The following TRPC6 variants were observed in gnomAD, a reference collection of about 807,000 sequenced individuals.
TRPC6 encodes transient receptor potential cation channel subfamily C member 6.
TRPC6 carries 55 observed loss-of-function variants against 90.7 expected under a neutral mutation model. The observed-to-expected ratio is 0.61, with a 90% confidence interval of 0.49 to 0.76. The LOEUF (loss-of-function observed/expected upper bound fraction) is 0.76. Ranked by LOEUF, TRPC6 falls within the 30% of genes least tolerant of loss-of-function variation. The pLI is 0.00. For synonymous variants in TRPC6, 393 were observed against 393.0 expected (o/e 1.00, Z 0.00); for missense variants, 989 against 1,122.7 (o/e 0.88, Z 1.70).
rs1455663089 is a variant in TRPC6 at position 101,451,838 on chromosome 11, T to G, written c.*1117A>C. The G allele has an allele frequency of 6.6e-6, 1 of 152,192 alleles. No homozygotes were observed. Among genetic ancestry groups the G allele is most frequent in the Non-Finnish European group, 1.5e-5 (1 of 68,036 alleles). 9.4% of individuals were successfully genotyped at this position (152,192 alleles called of 1,614,324 possible). A position where few individuals can be genotyped will look rare whatever the true frequency, so the allele number is the denominator to read the frequency against. On this transcript the variant is annotated 3_prime_UTR_variant, in exon 13 of 13. Transcript: ENST00000344327. ...TCCAGCATCCTCTGAATGCCAATGG[T>G]CTTTGAGTAAACATATGAACCTTCA...
chr11:101,547,002 G>T (rs1357605826), intron 1 of TRPC6, among the ~76,000 whole-genome samples: 1 of 152,060 alleles, frequency 6.6e-6, no homozygotes, highest in Non-Finnish European at 1.5e-5. Flanking sequence ...ACATTATATT[G>T]TTTAAGGATA....
intron 4 of TRPC6, among the ~76,000 whole-genome samples, chr11:101,487,887 G>T (rs540622905): frequency 6.6e-6 from 1 of 152,078 alleles, no homozygotes; most frequent in Non-Finnish European, 1.5e-5. Context: ...CTTTGCACAA[G>T]CTTTCTAGCA....
chr11:101,463,788 T>C (rs1406844925), intron 10 of TRPC6, among the ~76,000 whole-genome samples: 1 of 152,196 alleles, frequency 6.6e-6, no homozygotes, highest in African/African-American at 2.4e-5. Context: ...TGAAGGGTTT[T>C]TAGTGTCTCT....
intron 2 of TRPC6, among the ~76,000 whole-genome samples, chr11:101,494,820 A>C (rs1415716924): frequency 6.6e-6 from 1 of 152,224 alleles, no homozygotes; most frequent in African/African-American, 2.4e-5. Context: ...TTAAGCAAAA[A>C]TACCTATTTA....
intron 2 of TRPC6, among the ~76,000 whole-genome samples, chr11:101,502,333 T>A (rs1459913439): frequency 6.6e-6 from 1 of 152,194 alleles, no homozygotes; most frequent in Non-Finnish European, 1.5e-5. Flanking sequence ...TTCTATCACA[T>A]TGGATTATAA....
intron 1 of TRPC6, among the ~76,000 whole-genome samples, chr11:101,526,490 T>C (rs1198446236): frequency 1.3e-5 from 2 of 152,214 alleles, no homozygotes; most frequent in Admixed American, 6.5e-5. Context: ...TCTTTTCAGA[T>C]GTGTTATTCC....
At chr11:101,507,253 C>T (rs994250894) in intron 1 of TRPC6, among the ~76,000 whole-genome samples, 1 of 152,022 alleles carries the variant, frequency 6.6e-6, no homozygotes, top group Non-Finnish European at 1.5e-5. Flanking sequence ...GCTCTATATA[C>T]ATATGACTAA....
intron 1 of TRPC6, among the ~76,000 whole-genome samples, chr11:101,553,861 T>C (rs963250825): frequency 6.6e-6 from 1 of 151,998 alleles, no homozygotes; most frequent in Non-Finnish European, 1.5e-5. Flanking sequence ...AGCTCAGTAA[T>C]AGGGTATATG....
At chr11:101,464,589 A>G (rs1043127326) in intron 10 of TRPC6, among the ~76,000 whole-genome samples, 15 of 152,096 alleles carry the variant, frequency 9.9e-5, no homozygotes, top group African/African-American at 3.6e-4. Flanking sequence ...AGTCTGCTTT[A>G]TCAGAGACTA....
chr11:101,453,231 A>AAAT (rs1436359175), intron 12 of TRPC6, 125 bp from the exon 13 acceptor site: 1 of 984,346 alleles, frequency 1.0e-6, no homozygotes, highest in Non-Finnish European at 1.6e-6. Context: ...CTTTGAAAGG[A>AAAT]AATAACTTCC....
At chr11:101,538,213 A>T (rs1861095189) in intron 1 of TRPC6, among the ~76,000 whole-genome samples, 1 of 151,020 alleles carries the variant, frequency 6.6e-6, no homozygotes, top group African/African-American at 2.4e-5. Flanking sequence ...TCCTTTCTGA[A>T]TTTTTCTCAT....
intron 8 of TRPC6, 26 bp from the exon 9 acceptor site, chr11:101,471,412 G>T (rs1206415506): frequency 6.2e-7 from 1 of 1,609,230 alleles, no homozygotes. Context: ...TGACAGTTCA[G>T]CAAGGAAATG....
At chr11:101,559,479 A>T (rs1248923466) in intron 1 of TRPC6, among the ~76,000 whole-genome samples, 1 of 152,134 alleles carries the variant, frequency 6.6e-6, no homozygotes, top group Non-Finnish European at 1.5e-5. Context: ...ACAAATAATG[A>T]TCATGACATA....
chr11:101,460,836 A>G (rs1858988397), intron 10 of TRPC6, among the ~76,000 whole-genome samples: 1 of 152,164 alleles, frequency 6.6e-6, no homozygotes, highest in Admixed American at 6.5e-5. Flanking sequence ...GTATATGTCA[A>G]CCCCAAGGGT....
Position 101,579,898 on chromosome 11 carries a change from G to C in TRPC6, c.170+3436C>G, listed in dbSNP as rs868764109. Reference sequence around the variant, plus strand: ...AGATTCCAGGCTTCTTCGTCACTGGGACGCATAACTCACAGGGCAACCACA... The same window carrying C: ...AGATTCCAGGCTTCTTCGTCACTGGCACGCATAACTCACAGGGCAACCACA... On this transcript the variant is annotated intron_variant, in intron 1 of 12. Coordinates refer to ENST00000344327, the MANE Select transcript of TRPC6 (RefSeq NM_004621.6). Among the ~76,000 whole-genome samples, 94 of 152,156 alleles carry C rather than the reference G, an allele frequency of 6.2e-4. 1 individual carries two copies. Among genetic ancestry groups the C allele is most frequent in the African/African-American group, 2.1e-3 (86 of 41,516 alleles).
chr11:101,522,396 TC>T (rs1305160907), intron 1 of TRPC6, among the ~76,000 whole-genome samples: 2 of 152,144 alleles, frequency 1.3e-5, no homozygotes, highest in Non-Finnish European at 2.9e-5. Flanking sequence ...TCCTGAGGCC[TC>T]CCCAGCCATG....
intron 6 of TRPC6, 36 bp downstream of exon 6, chr11:101,476,265 G>T (rs754947190): frequency 1.1e-5 from 17 of 1,571,640 alleles, no homozygotes; most frequent in Non-Finnish European, 1.5e-5. Flanking sequence ...AGAAAATTCT[G>T]CATTTTTATT....
In TRPC6 at chr11:101,471,363, T is replaced by C; in HGVS notation, c.2229A>G (p.Lys743=). Residue 743 remains lysine (K), a synonymous_variant, in exon 9 of 13, where the codon AAA becomes AAG. Transcript: ENST00000344327. ...EIEDDADVEW[K]FARAKLWFSY... ...AAAACCAGAGTTTGGCCCTTGCAAA[T>C]TTCCACTCCACATCAGCGTCATCCT... The C allele has an allele frequency of 6.2e-7, 1 of 1,613,826 alleles. No homozygotes were observed. Among genetic ancestry groups the C allele is most frequent in the Non-Finnish European group, 8.5e-7 (1 of 1,179,836 alleles).
intron 6 of TRPC6, among the ~76,000 whole-genome samples, chr11:101,475,890 G>A (rs979082180): frequency 1.3e-5 from 2 of 150,506 alleles, no homozygotes; most frequent in African/African-American, 2.4e-5. Flanking sequence ...ATATATACAC[G>A]TGTGTGCATA....
Sources: allele counts gnomAD v4.1 joint callset (sites outside exome capture counted in the v4.1 genomes callset), GRCh38; gene constraint gnomAD v4.1.1; transcripts MANE v1.5; gene names NCBI Gene and HGNC (gene_info 2026-07-23, HGNC 2026-07-21).